MAD1L1: variants seen among roughly 807,000 people sequenced by gnomAD.
The protein encoded by MAD1L1 is mitotic arrest deficient 1 like 1.
A neutral mutation model predicts 96.9 loss-of-function variants in MAD1L1; 95 were observed. That is an observed-to-expected ratio of 0.98 (90% CI 0.83 to 1.16). MAD1L1 has a LOEUF of 1.16. MAD1L1 is among the 50% of genes most tolerant of loss of function. The probability of loss-of-function intolerance (pLI) is 0.00; values close to 1 mark genes in which losing one functional copy is unlikely to be tolerated. For missense variants in MAD1L1, 1,007 were observed against 954.4 expected (o/e 1.06, Z -0.73); for synonymous variants, 473 against 396.6 (o/e 1.19, Z -2.29).
intron 18 of MAD1L1, among the ~76,000 whole-genome samples, chr7:1,887,857 G>GCACGTGTGTGTGTGGC (rs1554284079): frequency 0.017 from 898 of 51,594 alleles, 12 homozygotes; most frequent in African/African-American, 0.071. Context: ...GCGTGTGTGT[G>GCACGTGTGTGTGTGGC]TGCACGTGTG....
Position 2,149,179 on chromosome 7 carries a change from T to C in MAD1L1, c.1046A>G (p.Lys349Arg). Residue 349 changes from lysine (K) to arginine (R), a missense_variant, in exon 11 of 19, where the codon AAG becomes AGG. Lys to Arg is a conservative substitution (Grantham distance 26). Coordinates refer to ENST00000265854, the MANE Select transcript of MAD1L1 (RefSeq NM_001013836.2). ...VELQQRELAL[K>R]DKNSAVTSSA... ...GCTGGTGACGGCGCTGTTCTTGTCC[T>C]TCAAGGCAAGCTCCCTCTGCTGCAG... 6.2e-7 allele frequency: 1 copy of C among 1,614,110 alleles called. No homozygotes were observed. Among genetic ancestry groups the C allele is most frequent in the South Asian group, 1.1e-5 (1 of 91,068 alleles).
chr7:2,002,178 G>A, intron 13 of MAD1L1, 57 bp from the exon 14 acceptor site: 5 of 1,534,442 alleles, frequency 3.3e-6, no homozygotes, highest in Non-Finnish European at 4.5e-6. Flanking sequence ...CCCATTTCTA[G>A]GACTGCAGGG....
chr7:1,816,322 G>C (rs190226291), intron 18 of MAD1L1, 94 bp from the exon 19 acceptor site: 1 of 1,317,798 alleles, frequency 7.6e-7, no homozygotes, highest in African/African-American at 1.5e-5. Flanking sequence ...CAGCCATGGG[G>C]GCTTCCCTCA....
chr7:1,829,916 G>T (rs1056733590), intron 18 of MAD1L1, among the ~76,000 whole-genome samples: 25 of 152,294 alleles, frequency 1.6e-4, no homozygotes, highest in Non-Finnish European at 2.5e-4. Flanking sequence ...AGAAGACAGT[G>T]AGATCACCTC....
chr7:2,006,914 A>C (rs1254598785), intron 13 of MAD1L1, among the ~76,000 whole-genome samples: 2 of 152,134 alleles, frequency 1.3e-5, no homozygotes, highest in East Asian at 3.8e-4. Context: ...CAGACACCAG[A>C]TACAACACAA....
At chr7:1,928,082 C>T (rs1406956674) in intron 17 of MAD1L1, among the ~76,000 whole-genome samples, 2 of 152,118 alleles carry the variant, frequency 1.3e-5, no homozygotes, top group Admixed American at 6.5e-5. Context: ...GCACTACAGT[C>T]GGAGCCCACG....
At chr7:2,117,335 G>A (rs546690857) in intron 11 of MAD1L1, among the ~76,000 whole-genome samples, 21 of 152,348 alleles carry the variant, frequency 1.4e-4, no homozygotes, top group African/African-American at 4.8e-4. Context: ...GGTGCGGACG[G>A]CACAGAGGCT....
At chr7:2,009,627 T>C (rs909663493) in intron 13 of MAD1L1, among the ~76,000 whole-genome samples, 2 of 152,104 alleles carry the variant, frequency 1.3e-5, no homozygotes, top group African/African-American at 2.4e-5. Flanking sequence ...TGAGGATGAC[T>C]GTGAGCCCAG....
chr7:2,189,442 CA>C (rs1315506405), intron 10 of MAD1L1, among the ~76,000 whole-genome samples: 1 of 152,216 alleles, frequency 6.6e-6, no homozygotes, highest in Non-Finnish European at 1.5e-5. Flanking sequence ...TCTATCCATA[CA>C]ACAGAATATT....
chr7:1,867,480 T>A (rs1784832064), intron 18 of MAD1L1, among the ~76,000 whole-genome samples: 1 of 152,266 alleles, frequency 6.6e-6, no homozygotes, highest in African/African-American at 2.4e-5. Context: ...CTGGCCCTTC[T>A]GCTCGCCCAA....
intron 12 of MAD1L1, among the ~76,000 whole-genome samples, chr7:2,046,767 C>A (rs969809590): frequency 6.6e-6 from 1 of 152,180 alleles, no homozygotes; most frequent in Non-Finnish European, 1.5e-5. Context: ...CTTTCCAGAC[C>A]ATCTGTCCCC....
At position 2,103,318 on chromosome 7, in the gene MAD1L1, G is replaced by A. The variant is rs184182659; in HGVS notation, c.1074-33980C>T. 2.0e-5 allele frequency among the ~76,000 whole-genome samples: 3 copies of A among 152,214 alleles called. No individual in the cohort carries two copies. The highest frequency in any genetic ancestry group is 3.9e-4 in the East Asian group (2 of 5,150). ...GCCCTGCACACACAGTCATACCTGC[G>A]CTCCTGCACTCAGTGAAGGCCTGGG... is the stretch of plus-strand genomic sequence containing the variant. On this transcript the variant is annotated intron_variant, in intron 11 of 18. Transcript: ENST00000265854. The surrounding 1 kb of genome is among the most constrained non-coding windows in gnomAD (Gnocchi z 4.3).
At chr7:2,130,179 C>A (rs771338507) in intron 11 of MAD1L1, among the ~76,000 whole-genome samples, 8 of 152,262 alleles carry the variant, frequency 5.3e-5, no homozygotes, top group Non-Finnish European at 5.9e-5. Context: ...GCAGCAGGTG[C>A]CTGGCTGGGC....
In MAD1L1 at chr7:1,897,500, G is replaced by A. The variant is rs560668696; in HGVS notation, c.1998+700C>T. Reference sequence around the variant, plus strand: ...CTCACAAACCGGAGGTTAGCTCACCGGGGCAGTGATGAACAAGCCCCTGTT... The same window carrying A: ...CTCACAAACCGGAGGTTAGCTCACCAGGGCAGTGATGAACAAGCCCCTGTT... On this transcript the variant is annotated intron_variant, in intron 18 of 18. Transcript: ENST00000265854. Among the ~76,000 whole-genome samples the A allele has an allele frequency of 5.3e-4, 80 of 152,280 alleles. 2 individuals are homozygous for A. The South Asian group carries it at 0.015, about 28-fold the overall frequency.
chr7:1,909,808 T>C (rs1426932328), intron 17 of MAD1L1, among the ~76,000 whole-genome samples: 1 of 152,180 alleles, frequency 6.6e-6, no homozygotes, highest in Non-Finnish European at 1.5e-5. Flanking sequence ...CAGACGGCCC[T>C]TGAGACACGG....
chr7:2,131,850 T>C lies in MAD1L1; in HGVS notation c.1073+17302A>G, dbSNP rs796690978. Among the ~76,000 whole-genome samples, 4 of 152,362 alleles carry C rather than the reference T, an allele frequency of 2.6e-5. No individual in the cohort carries two copies. In the South Asian group the frequency reaches 8.3e-4, roughly 32 times the overall value. The stretch of plus-strand genomic sequence containing the variant: ...GTCTCTCTGGTCATGACAAGGGACC[T>C]GCTTCCTTCTTTCGGCAACTGGCAG... On this transcript the variant is annotated intron_variant, in intron 11 of 18. Transcript: ENST00000265854.
At chr7:1,959,032 G>A (rs1451791475) in intron 15 of MAD1L1, among the ~76,000 whole-genome samples, 3 of 152,152 alleles carry the variant, frequency 2.0e-5, no homozygotes, top group African/African-American at 7.2e-5. Flanking sequence ...CAGCTGGATC[G>A]CTTGAGGCCA....
At chr7:2,067,075 G>A (rs929127281) in intron 12 of MAD1L1, among the ~76,000 whole-genome samples, 10 of 152,182 alleles carry the variant, frequency 6.6e-5, no homozygotes, top group Non-Finnish European at 7.3e-5. Context: ...GGTGTGGGCC[G>A]ATGTCACTCC....
intron 14 of MAD1L1, among the ~76,000 whole-genome samples, chr7:1,987,808 C>T (rs947143370): frequency 6.6e-6 from 1 of 152,200 alleles, no homozygotes; most frequent in Non-Finnish European, 1.5e-5. Flanking sequence ...GGGGCAGCAG[C>T]GTTCTCAGAG....
Sources: allele counts gnomAD v4.1 joint callset (sites outside exome capture counted in the v4.1 genomes callset), GRCh38; gene constraint gnomAD v4.1.1; non-coding constraint Gnocchi (gnomAD v3.1); transcripts MANE v1.5; gene names NCBI Gene and HGNC (gene_info 2026-07-23, HGNC 2026-07-21).